The following PTCHD4 variants were observed in gnomAD, a reference collection of about 807,000 sequenced individuals.
PTCHD4 encodes the protein patched domain-containing protein 4.
Under a neutral mutation model 58.1 loss-of-function variants are expected in PTCHD4, and 33 were observed. The ratio of observed to expected loss-of-function variants is 0.57; its 90% CI spans 0.43 to 0.76. PTCHD4 has a LOEUF of 0.76. Ranked by LOEUF, PTCHD4 falls within the 30% of genes least tolerant of loss-of-function variation. PTCHD4 has a pLI of 0.00. For synonymous variants in PTCHD4, 478 were observed against 409.6 expected (o/e 1.17, Z -2.02); for missense variants, 1,058 against 1,027.1 (o/e 1.03, Z -0.41).
chr6:47,910,951 C>T (rs868470843), intron 4 of PTCHD4, among the ~76,000 whole-genome samples: 1 of 152,098 alleles, frequency 6.6e-6, no homozygotes, highest in Non-Finnish European at 1.5e-5. Context: ...ATTGGCAAAG[C>T]ACATCTTCTT....
At chr6:47,882,714 T>C (rs1764054555) in intron 4 of PTCHD4, among the ~76,000 whole-genome samples, 1 of 92,468 alleles carries the variant, frequency 1.1e-5, no homozygotes, top group Non-Finnish European at 2.4e-5. Context: ...TCCTATTTGC[T>C]ATGAATCCAT....
At chr6:48,104,030 G>A (rs955654294) in intron 1 of PTCHD4, among the ~76,000 whole-genome samples, 1 of 152,212 alleles carries the variant, frequency 6.6e-6, no homozygotes, top group African/African-American at 2.4e-5. Context: ...ACACTCTGCA[G>A]GATATTATCC....
chr6:47,892,566 G>A (rs1301438633), intron 4 of PTCHD4, among the ~76,000 whole-genome samples: 1 of 152,146 alleles, frequency 6.6e-6, no homozygotes, highest in Non-Finnish European at 1.5e-5. Context: ...AGAGTAAAAT[G>A]GATGCTGACT....
intron 3 of PTCHD4, among the ~76,000 whole-genome samples, chr6:48,040,681 C>T (rs1170565776): frequency 6.6e-6 from 1 of 152,004 alleles, no homozygotes; most frequent in Non-Finnish European, 1.5e-5. Flanking sequence ...CCAGATGGTG[C>T]TTTCCTATGT....
rs1764976048 is a variant in PTCHD4, at chr6:48,071,598, C to T, written c.-969-1672G>A. ...AGAACATTTCCTTATAACCTATGCT[C>T]AGTTTCTCCTATTATTAATATCTTA... On this transcript the variant is annotated intron_variant, in intron 1 of 4. Transcript: ENST00000339488. Among the ~76,000 whole-genome samples the T allele has an allele frequency of 1.3e-5, 2 of 152,090 alleles. 1 individual carries two copies. Among genetic ancestry groups the T allele is most frequent in the South Asian group, 4.1e-4 (2 of 4,820 alleles).
rs1763729587 is a variant in PTCHD4, at chr6:47,872,174, C to A, written c.*6129G>T. 6.6e-6 allele frequency among the ~76,000 whole-genome samples: 1 copy of A among 151,572 alleles called. No homozygotes were observed. The highest frequency in any genetic ancestry group is 2.1e-4 in the South Asian group (1 of 4,824). On this transcript the variant is annotated 3_prime_UTR_variant, in exon 5 of 5. Transcript: ENST00000339488. Reference sequence around the variant, plus strand: ...TAATTTAAATGCTCCCCATAACATACTGTAGACTGCCGCTACTGAGAATAT... The same window carrying A: ...TAATTTAAATGCTCCCCATAACATAATGTAGACTGCCGCTACTGAGAATAT...
At chr6:47,908,617 A>G (rs1024392951) in intron 4 of PTCHD4, among the ~76,000 whole-genome samples, 1 of 152,158 alleles carries the variant, frequency 6.6e-6, no homozygotes, top group South Asian at 2.1e-4. Context: ...TTGTCAATCT[A>G]TTCTGGGCTG....
At chr6:48,065,539 T>C (rs1354011060) in intron 3 of PTCHD4, among the ~76,000 whole-genome samples, 1 of 152,216 alleles carries the variant, frequency 6.6e-6, no homozygotes, top group African/African-American at 2.4e-5. Flanking sequence ...AAAATCATTT[T>C]TAAATAACAT....
intron 4 of PTCHD4, among the ~76,000 whole-genome samples, chr6:47,884,854 T>C (rs1356978020): frequency 6.6e-6 from 1 of 152,214 alleles, no homozygotes; most frequent in Non-Finnish European, 1.5e-5. Context: ...GAGGATGATG[T>C]TAATGACAGT....
In PTCHD4 at chr6:47,878,533, C is replaced by G; in HGVS notation, c.2302G>C (p.Val768Leu). ...QNVTSFLIGLVPLLFVPSNLT... is the reference protein window; with the variant it reads ...QNVTSFLIGLLPLLFVPSNLT... ...TTCGAAGGCACAAATAGAAGGGGGA[C>G]TAACCCAATAAGAAAAGAAGTAACA... is the stretch of plus-strand genomic sequence containing the variant. Residue 768 changes from valine (V) to leucine (L), a missense_variant, in exon 5 of 5, where the codon GTC (valine) becomes CTC (leucine). By Grantham distance (32) the Val-to-Leu change is conservative (BLOSUM62 1). Transcript: ENST00000339488. 5 of 1,613,414 alleles carry G rather than the reference C, an allele frequency of 3.1e-6. No individual in the cohort carries two copies. The highest frequency in any genetic ancestry group is 4.2e-6 in the Non-Finnish European group (5 of 1,179,690).
intron 4 of PTCHD4, among the ~76,000 whole-genome samples, chr6:48,006,463 T>C (rs1762441886): frequency 6.6e-6 from 1 of 152,212 alleles, no homozygotes; most frequent in Non-Finnish European, 1.5e-5. Context: ...AAAGCAACCC[T>C]GGAAAGCAGT....
intron 4 of PTCHD4, among the ~76,000 whole-genome samples, chr6:47,979,785 A>G (rs1216812607): frequency 2.0e-5 from 3 of 152,044 alleles, no homozygotes; most frequent in Non-Finnish European, 4.4e-5. Context: ...GGAGAATACT[A>G]TCCTTAGGTA....
At chr6:47,939,610 C>A (rs1045063775) in intron 4 of PTCHD4, among the ~76,000 whole-genome samples, 1 of 152,058 alleles carries the variant, frequency 6.6e-6, no homozygotes, top group African/African-American at 2.4e-5. Flanking sequence ...GTTTCTGTAT[C>A]TATCCTTTGT....
At chr6:47,962,246 C>G (rs1169756832) in intron 4 of PTCHD4, among the ~76,000 whole-genome samples, 1 of 152,132 alleles carries the variant, frequency 6.6e-6, no homozygotes, top group Non-Finnish European at 1.5e-5. Flanking sequence ...CTTGTTCAAT[C>G]TATATGGCCT....
rs1763631702 is a variant in PTCHD4 at position 47,868,519 on chromosome 6, T to G, written c.*9784A>C. ...TAAGCTGGAGAAGTCTTTTATATTTTTCTTCACTGAATGGATAATTACTGA... is the reference window on the plus strand; with the variant it reads ...TAAGCTGGAGAAGTCTTTTATATTTGTCTTCACTGAATGGATAATTACTGA... On this transcript the variant is annotated 3_prime_UTR_variant, in exon 5 of 5. Coordinates refer to ENST00000339488, the MANE Select transcript of PTCHD4 (RefSeq NM_001384253.1). 1.3e-5 allele frequency among the ~76,000 whole-genome samples: 2 copies of G among 151,806 alleles called. No individual in the cohort carries two copies. Among genetic ancestry groups the G allele is most frequent in the Admixed American group, 6.6e-5 (1 of 15,200 alleles).
At chr6:47,889,450 T>C (rs1263332186) in intron 4 of PTCHD4, among the ~76,000 whole-genome samples, 6 of 151,622 alleles carry the variant, frequency 4.0e-5, no homozygotes, top group African/African-American at 1.5e-4. Flanking sequence ...GCTGCATAAA[T>C]GTCTTCTTTT....
intron 4 of PTCHD4, among the ~76,000 whole-genome samples, chr6:48,008,378 G>A (rs1390261850): frequency 6.6e-6 from 1 of 152,128 alleles, no homozygotes; most frequent in Non-Finnish European, 1.5e-5. Context: ...TGAGGGATCT[G>A]AGTAGAGAAT....
At chr6:47,906,654 A>C (rs1764897518) in intron 4 of PTCHD4, among the ~76,000 whole-genome samples, 1 of 152,208 alleles carries the variant, frequency 6.6e-6, no homozygotes, top group Admixed American at 6.5e-5. Context: ...AGTGAATAGC[A>C]AAATCTTCTA....
intron 4 of PTCHD4, among the ~76,000 whole-genome samples, chr6:47,980,006 T>C (rs759993994): frequency 1.3e-5 from 2 of 152,092 alleles, no homozygotes; most frequent in Non-Finnish European, 2.9e-5. Flanking sequence ...TAAACCATAT[T>C]TTTAGCATTC....
Sources: gnomAD v4.1 joint callset for allele counts (sites outside exome capture counted in the v4.1 genomes callset) on GRCh38, gnomAD v4.1.1 for gene constraint, MANE v1.5 for transcripts, NCBI Gene and HGNC (gene_info 2026-07-23, HGNC 2026-07-21) for gene names.